CNTN1: variants seen among roughly 807,000 people sequenced by gnomAD.
CNTN1 encodes contactin 1.
Under a neutral mutation model 126.4 loss-of-function variants are expected in CNTN1, and 38 were observed. That is an observed-to-expected ratio of 0.30 (90% confidence interval 0.23 to 0.39). The LOEUF is 0.39. CNTN1 is among the 10% of genes least tolerant of loss of function. The pLI is 1.00. For missense variants in CNTN1, 1,009 were observed against 1,248.4 expected, an observed-to-expected ratio of 0.81 and a Z score of 2.89; for synonymous variants, 413 against 422.6, an observed-to-expected ratio of 0.98 and a Z score of 0.28.
At chr12:40,772,350 C>G (rs945937693) in intron 1 of CNTN1, among the ~76,000 whole-genome samples, 6 of 151,888 alleles carry the variant, frequency 4.0e-5, no homozygotes, top group African/African-American at 1.5e-4. Flanking sequence ...TGTGTCTTAT[C>G]ACAATGTAAT....
intron 1 of CNTN1, among the ~76,000 whole-genome samples, chr12:40,790,711 C>T (rs1940187506): frequency 6.6e-6 from 1 of 152,100 alleles, no homozygotes; most frequent in African/African-American, 2.4e-5. Context: ...GTCCACATCT[C>T]CTGTCCCACC....
chr12:40,911,616 A>G (rs1484379610), intron 3 of CNTN1, among the ~76,000 whole-genome samples: 2 of 152,324 alleles, frequency 1.3e-5, no homozygotes, highest in East Asian at 3.9e-4. Context: ...AATGTCACAC[A>G]TTGTAAGTCC....
rs1296716953 is a variant in CNTN1 at position 40,993,225 on chromosome 12, G to A, written c.2069G>A (p.Gly690Glu). The A allele has an allele frequency of 6.2e-7, 1 of 1,613,782 alleles. No individual in the cohort carries two copies. The highest frequency in any genetic ancestry group is 1.7e-5 in the Admixed American group (1 of 60,018). Residue 690 changes from glycine (G) to glutamate (E), a missense_variant, in exon 17 of 24, where the codon GGA (glycine) becomes GAA (glutamate). Gly to Glu is a moderately conservative substitution (Grantham distance 98, BLOSUM62 -2). Coordinates refer to ENST00000551295, the MANE Select transcript of CNTN1 (RefSeq NM_001843.4). ...RVVATNTLGR[G>E]EPSIPSNRIK... Reference sequence around the variant, plus strand: ...GTAGCAACCAATACACTGGGTAGAGGAGAGCCCAGTATACCATCTAACAGA... The same window carrying A: ...GTAGCAACCAATACACTGGGTAGAGAAGAGCCCAGTATACCATCTAACAGA...
intron 23 of CNTN1, among the ~76,000 whole-genome samples, chr12:41,043,884 T>C (rs1222861754): frequency 2.0e-5 from 3 of 147,886 alleles, no homozygotes; most frequent in Admixed American, 1.4e-4. Context: ...TCATTCTCAG[T>C]AAACTATCGC....
intron 17 of CNTN1, among the ~76,000 whole-genome samples, chr12:41,002,504 T>G (rs1948385999): frequency 1.3e-5 from 2 of 152,064 alleles, no homozygotes; most frequent in South Asian, 4.1e-4. Context: ...GAGACTTTGC[T>G]GAAGTTGTTT....
chr12:40,840,880 T>C (rs931306581), intron 1 of CNTN1, among the ~76,000 whole-genome samples: 4 of 145,846 alleles, frequency 2.7e-5, no homozygotes, highest in African/African-American at 1.0e-4. Context: ...AGCAGAAAAA[T>C]TCACAATCTA....
chr12:40,730,351 G>A (rs1290565021), intron 1 of CNTN1, among the ~76,000 whole-genome samples: 2 of 152,216 alleles, frequency 1.3e-5, no homozygotes, highest in Non-Finnish European at 2.9e-5. Flanking sequence ...GATTCTCAGA[G>A]AAGGGTGGAC....
intron 1 of CNTN1, among the ~76,000 whole-genome samples, chr12:40,836,036 A>C (rs1942039682): frequency 6.6e-6 from 1 of 150,726 alleles, no homozygotes; most frequent in South Asian, 2.1e-4. Flanking sequence ...ATATATACAC[A>C]TGTATGCATA....
intron 23 of CNTN1, among the ~76,000 whole-genome samples, chr12:41,033,688 G>A (rs915997928): frequency 6.6e-6 from 1 of 151,940 alleles, no homozygotes; most frequent in Non-Finnish European, 1.5e-5. Flanking sequence ...GTATAGGAGG[G>A]GACTAAGATA....
intron 23 of CNTN1, among the ~76,000 whole-genome samples, chr12:41,034,847 C>G (rs1294585373): frequency 7.9e-5 from 12 of 152,146 alleles, no homozygotes. Flanking sequence ...ATTATTTGGA[C>G]AAAGTAATAT....
chr12:40,822,868 C>G (rs1941496236), intron 1 of CNTN1, among the ~76,000 whole-genome samples: 1 of 152,102 alleles, frequency 6.6e-6, no homozygotes. Context: ...AGCATGATAC[C>G]TAACAGGTAG....
chr12:40,832,383 C>A (rs1941874800), intron 1 of CNTN1, among the ~76,000 whole-genome samples: 1 of 152,146 alleles, frequency 6.6e-6, no homozygotes, highest in East Asian at 1.9e-4. Context: ...CAACACATTA[C>A]CTTTTTTCTA....
intron 1 of CNTN1, among the ~76,000 whole-genome samples, chr12:40,769,537 C>G (rs965399648): frequency 6.6e-6 from 1 of 152,126 alleles, no homozygotes; most frequent in Non-Finnish European, 1.5e-5. Context: ...GAACTGAACT[C>G]TAGTATGTTT....
chr12:40,774,504 T>C (rs1230819897), intron 1 of CNTN1, among the ~76,000 whole-genome samples: 1 of 151,700 alleles, frequency 6.6e-6, no homozygotes, highest in African/African-American at 2.4e-5. Context: ...AGAAAATATA[T>C]GTGATCTGAT....
chr12:40,795,947 T>C (rs888499449), intron 1 of CNTN1, among the ~76,000 whole-genome samples: 7 of 152,098 alleles, frequency 4.6e-5, no homozygotes, highest in Non-Finnish European at 8.8e-5. Flanking sequence ...ATTTGTAATT[T>C]GACAGATGAA....
chr12:40,926,858 A>G (rs962253928), intron 6 of CNTN1, among the ~76,000 whole-genome samples: 7 of 152,172 alleles, frequency 4.6e-5, no homozygotes, highest in Admixed American at 4.6e-4. Context: ...TATGTGGTAT[A>G]TAAGATAAAT....
intron 1 of CNTN1, among the ~76,000 whole-genome samples, chr12:40,794,754 A>C (rs930927477): frequency 6.6e-6 from 1 of 152,054 alleles, no homozygotes; most frequent in African/African-American, 2.4e-5. Flanking sequence ...CCCATTGGGA[A>C]GGAGTGATTG....
chr12:40,968,261 A>G (rs1332831273), intron 15 of CNTN1, among the ~76,000 whole-genome samples: 1 of 152,194 alleles, frequency 6.6e-6, no homozygotes, highest in East Asian at 1.9e-4. Flanking sequence ...AGTGTGGAAA[A>G]GCTAAGCTGC....
chr12:40,921,037 T>C (rs1480364244), intron 4 of CNTN1, among the ~76,000 whole-genome samples: 1 of 152,096 alleles, frequency 6.6e-6, no homozygotes, highest in Non-Finnish European at 1.5e-5. Flanking sequence ...AACTTAACAC[T>C]AGATGGTTCA....
Sources: allele counts gnomAD v4.1 joint callset (sites outside exome capture counted in the v4.1 genomes callset), GRCh38; gene constraint gnomAD v4.1.1; transcripts MANE v1.5; gene names NCBI Gene and HGNC (gene_info 2026-07-23, HGNC 2026-07-21).